The following MARCHF1 variants were observed in gnomAD, a reference collection of about 807,000 sequenced individuals.
The protein encoded by MARCHF1 is E3 ubiquitin-protein ligase MARCHF1.
A neutral mutation model predicts 54.2 loss-of-function variants in MARCHF1; 40 were observed. The observed-to-expected ratio is 0.74, with a 90% CI of 0.57 to 0.96. MARCHF1 has a LOEUF of 0.96. Ranked by LOEUF, MARCHF1 falls within the 40% of genes least tolerant of loss-of-function variation. The probability of loss-of-function intolerance (pLI) is 0.00; values close to 1 mark genes in which losing one functional copy is unlikely to be tolerated. For missense variants in MARCHF1, 586 were observed against 656.5 expected, an observed-to-expected ratio of 0.89 and a Z score of 1.17; for synonymous variants, 236 against 236.3, an observed-to-expected ratio of 1.00 and a Z score of 0.01.
intron 1 of MARCHF1, among the ~76,000 whole-genome samples, chr4:164,323,278 A>G (rs1735188318): frequency 6.6e-6 from 1 of 151,730 alleles, no homozygotes; most frequent in South Asian, 2.1e-4. Context: ...TCAAAGAGGA[A>G]AGCAAAACTG....
chr4:163,714,334 G>C (rs1259763044), intron 4 of MARCHF1, among the ~76,000 whole-genome samples: 2 of 152,178 alleles, frequency 1.3e-5, no homozygotes, highest in Non-Finnish European at 1.5e-5. Context: ...AAATACTCTA[G>C]CTCCAATTCT....
At chr4:163,579,363 G>T (rs1740141935) in intron 8 of MARCHF1, among the ~76,000 whole-genome samples, 1 of 152,244 alleles carries the variant, frequency 6.6e-6, no homozygotes, top group African/African-American at 2.4e-5. Flanking sequence ...TAGTAAAAAA[G>T]ATTAATGCTG....
intron 1 of MARCHF1, among the ~76,000 whole-genome samples, chr4:164,258,414 T>C (rs570567533): frequency 6.6e-6 from 1 of 150,800 alleles, no homozygotes; most frequent in African/African-American, 2.4e-5. Flanking sequence ...ATAATAATAA[T>C]AATAAAGGAC....
At chr4:163,896,171 A>T (rs1750801636) in intron 3 of MARCHF1, among the ~76,000 whole-genome samples, 1 of 152,158 alleles carries the variant, frequency 6.6e-6, no homozygotes, top group South Asian at 2.1e-4. Flanking sequence ...GAATAAAAAT[A>T]ATTTTCTGTT....
At chr4:163,919,790 G>A (rs768226065) in intron 3 of MARCHF1, among the ~76,000 whole-genome samples, 9 of 152,014 alleles carry the variant, frequency 5.9e-5, no homozygotes, top group Non-Finnish European at 1.0e-4. Flanking sequence ...ACTAACAAAC[G>A]TATTTCAGCA....
At chr4:163,682,359 G>A (rs1032424681) in intron 5 of MARCHF1, among the ~76,000 whole-genome samples, 1 of 152,216 alleles carries the variant, frequency 6.6e-6, no homozygotes, top group Non-Finnish European at 1.5e-5. Flanking sequence ...ATTTGCATAA[G>A]TAATGAGGGG....
At chr4:164,180,327 A>G (rs905507856) in intron 1 of MARCHF1, among the ~76,000 whole-genome samples, 4 of 152,132 alleles carry the variant, frequency 2.6e-5, no homozygotes, top group Admixed American at 6.6e-5. Flanking sequence ...GAACTTTTAC[A>G]TAAGTGTTTG....
At chr4:164,171,599 T>C (rs34451207) in intron 1 of MARCHF1, among the ~76,000 whole-genome samples, 5 of 139,682 alleles carry the variant, frequency 3.6e-5, no homozygotes, top group African/African-American at 7.6e-5. Context: ...CATTATTTTT[T>C]CCAAAGGTTA....
chr4:164,174,920 C>T (rs924145780), intron 1 of MARCHF1, among the ~76,000 whole-genome samples: 3 of 151,810 alleles, frequency 2.0e-5, no homozygotes, highest in African/African-American at 4.8e-5. Flanking sequence ...TTTTGTTTTT[C>T]ATAAAAATTG....
At chr4:163,560,647 A>G (rs528438998) in intron 8 of MARCHF1, among the ~76,000 whole-genome samples, 56 of 152,260 alleles carry the variant, frequency 3.7e-4, no homozygotes, top group Non-Finnish European at 7.1e-4. Context: ...GAGTCTTCCA[A>G]CCCATGACAA....
intron 1 of MARCHF1, among the ~76,000 whole-genome samples, chr4:164,323,991 A>G (rs763259960): frequency 6.6e-6 from 1 of 151,914 alleles, no homozygotes; most frequent in South Asian, 2.1e-4. Flanking sequence ...GAAAGACAGC[A>G]TAACTTTCAT....
intron 1 of MARCHF1, among the ~76,000 whole-genome samples, chr4:164,167,630 T>A (rs1461348678): frequency 1.3e-5 from 2 of 151,760 alleles, no homozygotes; most frequent in African/African-American, 4.8e-5. Flanking sequence ...TTCAAACATA[T>A]AAGGGCAATT....
At chr4:163,817,638 G>A (rs1431656068) in intron 4 of MARCHF1, among the ~76,000 whole-genome samples, 1 of 151,954 alleles carries the variant, frequency 6.6e-6, no homozygotes, top group East Asian at 1.9e-4. Flanking sequence ...TACCCAAATT[G>A]AATGTATGTA....
Position 164,352,645 on chromosome 4 carries a change from C to T in MARCHF1, c.-323+31225G>A, listed in dbSNP as rs1036155732. Among the ~76,000 whole-genome samples, 371 of 150,622 alleles carry T rather than the reference C, an allele frequency of 2.5e-3. 5 individuals are homozygous for T. The highest frequency in any genetic ancestry group is 7.9e-3 in the African/African-American group (325 of 41,290). ...ATGGAAAGGAACAACCGGTACCAGC[C>T]GCTGCAAAATCATGCCAAAATGTAA... On this transcript the variant is annotated intron_variant, in intron 1 of 9. Transcript: ENST00000514618.
At chr4:164,059,073 C>T (rs1754556370) in intron 2 of MARCHF1, among the ~76,000 whole-genome samples, 1 of 152,118 alleles carries the variant, frequency 6.6e-6, no homozygotes, top group Admixed American at 6.6e-5. Flanking sequence ...ATGTTTGGTA[C>T]ATGCACATAT....
chr4:163,790,120 C>T (rs1233978564), intron 4 of MARCHF1, among the ~76,000 whole-genome samples: 1 of 151,938 alleles, frequency 6.6e-6, no homozygotes. Context: ...GTAGGTATAA[C>T]CAAGGGACGG....
chr4:164,080,656 G>C (rs1191151986), intron 2 of MARCHF1, among the ~76,000 whole-genome samples: 1 of 150,338 alleles, frequency 6.7e-6, no homozygotes, highest in Non-Finnish European at 1.5e-5. Context: ...TATTGTGTGT[G>C]TGTGTGTGTG....
At chr4:163,719,312 A>C (rs1745366503) in intron 4 of MARCHF1, among the ~76,000 whole-genome samples, 1 of 151,944 alleles carries the variant, frequency 6.6e-6, no homozygotes, top group South Asian at 2.1e-4. Flanking sequence ...TAGTTTGCTG[A>C]GACTGATGGT....
At chr4:164,197,786 C>A in intron 1 of MARCHF1, 1 of 1,599,094 alleles carries the variant, frequency 6.3e-7, no homozygotes, top group South Asian at 1.1e-5. Flanking sequence ...CACGGCCGCA[C>A]GTTTTAGGAC....
Sources: gnomAD v4.1 joint callset for allele counts (sites outside exome capture counted in the v4.1 genomes callset) on GRCh38, gnomAD v4.1.1 for gene constraint, MANE v1.5 for transcripts, NCBI Gene and HGNC (gene_info 2026-07-23, HGNC 2026-07-21) for gene names.